SPG11: variants seen among roughly 807,000 people sequenced by gnomAD.
SPG11 encodes SPG11 vesicle trafficking associated, spatacsin.
A neutral mutation model predicts 274.0 loss-of-function variants in SPG11; 222 were observed. The ratio of observed to expected loss-of-function variants is 0.81; its 90% CI spans 0.73 to 0.91. The LOEUF (loss-of-function observed/expected upper bound fraction) is 0.91. SPG11 is among the 40% of genes least tolerant of loss of function. The pLI is 0.00. For synonymous variants in SPG11, 1,144 were observed against 1,039.7 expected (o/e 1.10, Z -1.93); for missense variants, 3,114 against 2,872.7 (o/e 1.08, Z -1.92).
intron 7 of SPG11, 123 bp downstream of exon 7, chr15:44,648,743 G>T: frequency 8.9e-7 from 1 of 1,118,696 alleles, no homozygotes; most frequent in Non-Finnish European, 1.4e-6. Flanking sequence ...TGTTTAAATA[G>T]ATATACAAAG....
At chr15:44,617,865 G>C (rs1198754763) in intron 15 of SPG11, among the ~76,000 whole-genome samples, 1 of 151,858 alleles carries the variant, frequency 6.6e-6, no homozygotes, top group Non-Finnish European at 1.5e-5. Context: ...TAGTAGAGAC[G>C]ATGTTTCATC....
At chr15:44,627,677 C>A (rs984204749) in intron 10 of SPG11, among the ~76,000 whole-genome samples, 5 of 151,986 alleles carry the variant, frequency 3.3e-5, no homozygotes, top group Admixed American at 2.6e-4. Flanking sequence ...GCAACCTCCA[C>A]CTCCCGGGTT....
In SPG11 at chr15:44,623,560, C is replaced by T. The variant is rs183090652; in HGVS notation, c.2245-761G>A. ...CTTCCCCTTCTCATATGAAGTAAAA[C>T]CACAGAGCATAAAGCCCAGCAAAGG... On this transcript the variant is annotated intron_variant, in intron 11 of 39. Coordinates refer to ENST00000261866, the MANE Select transcript of SPG11 (RefSeq NM_025137.4). Among the ~76,000 whole-genome samples, 23 of 151,964 alleles carry T rather than the reference C, an allele frequency of 1.5e-4. No homozygotes were observed. The East Asian group carries it at 4.3e-3, about 28-fold the overall frequency.
chr15:44,649,033 G>T, intron 6 of SPG11, 22 bp from the exon 7 acceptor site: 1 of 1,596,002 alleles, frequency 6.3e-7, no homozygotes, highest in Non-Finnish European at 8.6e-7. Flanking sequence ...ATAAAAGTTA[G>T]CTTTAACAAA....
At chr15:44,623,817 G>C (rs1244425220) in intron 11 of SPG11, among the ~76,000 whole-genome samples, 2 of 152,048 alleles carry the variant, frequency 1.3e-5, no homozygotes, top group African/African-American at 4.8e-5. Context: ...ATGGAATGCA[G>C]TGGTGTGATC....
intron 7 of SPG11, 77 bp downstream of exon 7, chr15:44,648,789 C>A: frequency 6.7e-7 from 1 of 1,500,070 alleles, no homozygotes; most frequent in South Asian, 1.1e-5. Flanking sequence ...TAAATGAATT[C>A]TCTCAAATCC....
chr15:44,655,023 T>C (rs1474465873), intron 4 of SPG11, among the ~76,000 whole-genome samples: 1 of 152,240 alleles, frequency 6.6e-6, no homozygotes, highest in African/African-American at 2.4e-5. Context: ...CCACTTCCTG[T>C]TGCCATTGCA....
At chr15:44,567,208 G>A (rs932084650) in intron 36 of SPG11, 15 of 488,904 alleles carry the variant, frequency 3.1e-5, no homozygotes, top group Middle Eastern at 5.8e-4. Context: ...AAAATTAGCC[G>A]GGTGTGGTGG....
At chr15:44,620,627 T>G (rs2083717979) in intron 14 of SPG11, 1 of 473,612 alleles carries the variant, frequency 2.1e-6, no homozygotes, top group Non-Finnish European at 3.8e-6. Context: ...CTCGACCTCC[T>G]GGGCTCAAGT....
chr15:44,599,844 T>A (rs2083138618), intron 21 of SPG11, among the ~76,000 whole-genome samples: 1 of 152,164 alleles, frequency 6.6e-6, no homozygotes, highest in Admixed American at 6.5e-5. Flanking sequence ...AGAATTCACA[T>A]CTCATCATAT....
intron 4 of SPG11, among the ~76,000 whole-genome samples, chr15:44,652,484 G>C (rs751474981): frequency 7.2e-5 from 11 of 152,080 alleles, no homozygotes; most frequent in Admixed American, 1.3e-4. Flanking sequence ...AAAGCAGTAA[G>C]AACACTTACT....
At chr15:44,634,993 A>G (rs1355004455) in intron 7 of SPG11, among the ~76,000 whole-genome samples, 1 of 151,966 alleles carries the variant, frequency 6.6e-6, no homozygotes, top group Non-Finnish European at 1.5e-5. Context: ...AGGCAGGTGG[A>G]TCAGCTGAGG....
chr15:44,642,230 T>C (rs577149808), intron 7 of SPG11, among the ~76,000 whole-genome samples: 3 of 151,552 alleles, frequency 2.0e-5, no homozygotes, highest in African/African-American at 4.8e-5. Context: ...CCAGGTGTGG[T>C]GGCACGTGTC....
chr15:44,582,761 GA>G (rs61030142), intron 30 of SPG11, among the ~76,000 whole-genome samples: 1,711 of 144,474 alleles, frequency 0.012, 36 homozygotes, highest in African/African-American at 0.041. Flanking sequence ...ATAGTCTAAC[GA>G]AAAAAAAAAC....
chr15:44,633,550 C>T lies in SPG11; in HGVS notation c.1690G>A (p.Val564Ile), dbSNP rs781737689. The T allele has an allele frequency of 6.2e-7, 1 of 1,610,790 alleles. No individual in the cohort carries two copies. The highest frequency in any genetic ancestry group is 1.7e-5 in the Admixed American group (1 of 59,926). The change falls in exon 8 of 40, where the codon GTA (valine) becomes ATA (isoleucine). Residue 564 changes from valine (V) to isoleucine (I), a missense_variant. Val to Ile is a conservative substitution (Grantham distance 29). Transcript: ENST00000261866. ...GACAAGTGATCAAACTGATCAGATA[C>T]AGAAGATTTTGAGGATGGATTAAAA... ...NLFNPSSKSS[V>I]SDQFDHLSSH...
chr15:44,616,440 C>T (rs991324087), intron 15 of SPG11, among the ~76,000 whole-genome samples: 1 of 152,142 alleles, frequency 6.6e-6, no homozygotes, highest in African/African-American at 2.4e-5. Context: ...TCAAGCAATC[C>T]TCCTGCCTAG....
In SPG11 at chr15:44,624,332, G is replaced by GA. The variant is rs377035983; in HGVS notation, c.2245-1534dup. On this transcript the variant is annotated intron_variant, in intron 11 of 39. Transcript: ENST00000261866. ...GTGAGACCCTGTCTCTACAAAAAAAGAAAAAAAAAAGAGAGAGAGAGAGGA... is the reference window on the plus strand; with the variant it reads ...GTGAGACCCTGTCTCTACAAAAAAAGAAAAAAAAAAAGAGAGAGAGAGAGGA... Among the ~76,000 whole-genome samples the GA allele has an allele frequency of 9.9e-3, 1,379 of 139,882 alleles. 23 individuals carry two copies. The highest frequency in any genetic ancestry group is 0.032 in the African/African-American group (1,247 of 38,544). The allele number at this position is 139,882 out of a possible 152,430, so 91.8% of individuals were successfully genotyped here. A position where few individuals can be genotyped will look rare whatever the true frequency, so the allele number is the denominator to read the frequency against.
chr15:44,655,882 T>C (rs2084925980), intron 4 of SPG11, among the ~76,000 whole-genome samples: 1 of 152,208 alleles, frequency 6.6e-6, no homozygotes, highest in South Asian at 2.1e-4. Flanking sequence ...AATAGGACAA[T>C]TACAACAATA....
intron 21 of SPG11, chr15:44,600,198 A>G (rs1036121993): frequency 5.1e-6 from 2 of 392,886 alleles, no homozygotes; most frequent in Non-Finnish European, 9.4e-6. Context: ...AATCACTGTT[A>G]ACTGTGGTAT....
Sources: allele counts gnomAD v4.1 joint callset (sites outside exome capture counted in the v4.1 genomes callset), GRCh38; gene constraint gnomAD v4.1.1; transcripts MANE v1.5; gene names NCBI Gene and HGNC (gene_info 2026-07-23, HGNC 2026-07-21).